SPATA1: variants seen among roughly 807,000 people sequenced by gnomAD.
The protein encoded by SPATA1 is spermatogenesis associated 1, also known as spermatogenesis-associated protein 1.
Under a neutral mutation model 59.6 loss-of-function variants are expected in SPATA1, and 57 were observed. The observed-to-expected ratio is 0.96, with a 90% CI of 0.77 to 1.19. The LOEUF is 1.19. Ranked by LOEUF, SPATA1 falls within the 50% of genes most tolerant of loss-of-function variation. The probability of loss-of-function intolerance (pLI) is 0.00; values close to 1 mark genes in which losing one functional copy is unlikely to be tolerated. For synonymous variants in SPATA1, 147 were observed against 163.9 expected (o/e 0.90, Z 0.79); for missense variants, 448 against 480.7 (o/e 0.93, Z 0.64).
At chr1:84,527,234 CT>C (rs1304886150) in intron 6 of SPATA1, among the ~76,000 whole-genome samples, 1 of 152,056 alleles carries the variant, frequency 6.6e-6, no homozygotes, top group African/African-American at 2.4e-5. Context: ...AGTATATCTG[CT>C]TTTCCTTCAC....
At chr1:84,553,656 C>T (rs1422874337) in exon 13 of SPATA1, 1 of 152,088 alleles carries the variant, frequency 6.6e-6, no homozygotes, top group African/African-American at 2.4e-5. Context: ...AATATGAAGA[C>T]AACAGTGATC....
Position 84,546,457 on chromosome 1 carries a change from CAAAAAAAAAAAA to C in SPATA1, c.946+710_946+721del, listed in dbSNP as rs10618711. 4.9e-5 allele frequency among the ~76,000 whole-genome samples: 4 copies of C among 82,064 alleles called. No homozygotes were observed. In the South Asian group the frequency reaches 1.6e-3, roughly 33 times the overall value. 53.8% of individuals were successfully genotyped at this position (82,064 alleles called of 152,430 possible). A position where few individuals can be genotyped will look rare whatever the true frequency, so the allele number is the denominator to read the frequency against. The stretch of plus-strand genomic sequence containing the variant: ...TGGGTGACAAAGCAAGACTCTGCCT[CAAAAAAAAAAAA>C]AAAAAAAAAAACTTGATGAAAACTA... On this transcript the variant is annotated intron_variant, in intron 10 of 12. Coordinates refer to ENST00000490879, the Ensembl canonical transcript of SPATA1.
At chr1:84,536,685 C>T (rs916170173) in intron 8 of SPATA1, among the ~76,000 whole-genome samples, 4 of 152,054 alleles carry the variant, frequency 2.6e-5, no homozygotes, top group Non-Finnish European at 5.9e-5. Flanking sequence ...ACCTCGTGAT[C>T]CGCCCGCCTC....
chr1:84,562,634 A>G (rs990472692), intron 4 of SPATA1, among the ~76,000 whole-genome samples: 2 of 152,018 alleles, frequency 1.3e-5, no homozygotes, highest in South Asian at 4.1e-4. Flanking sequence ...GTAAATTATG[A>G]AAACTGTAAC....
intron 8 of SPATA1, among the ~76,000 whole-genome samples, chr1:84,537,292 T>C (rs1426507465): frequency 6.6e-6 from 1 of 152,218 alleles, no homozygotes; most frequent in Non-Finnish European, 1.5e-5. Context: ...AAGAAATCCT[T>C]GACAATAGTT....
Position 84,548,750 on chromosome 1 carries a change from CTTTTTTTTTTTTTTTTTTTTT to C in SPATA1, c.947-25_947-5del. 1 of 908,896 alleles carries C rather than the reference CTTTTTTTTTTTTTTTTTTTTT, an allele frequency of 1.1e-6. No individual in the cohort carries two copies. The highest frequency in any genetic ancestry group is 2.2e-5 in the South Asian group (1 of 45,116). 56.3% of individuals were successfully genotyped at this position (908,896 alleles called of 1,614,324 possible). A position where few individuals can be genotyped will look rare whatever the true frequency, so the allele number is the denominator to read the frequency against. On this transcript the variant is annotated splice_polypyrimidine_tract_variant and intron_variant, in intron 10 of 12. Transcript: ENST00000490879. ...TTTAATACTCAAACGAAGGCCTTTC[CTTTTTTTTTTTTTTTTTTTTT>C]TTTTTTTTTTATAGCCTACAATGGT...
chr1:84,521,716 A>C (rs551072116), intron 3 of SPATA1, among the ~76,000 whole-genome samples: 2 of 151,434 alleles, frequency 1.3e-5, no homozygotes, highest in East Asian at 3.9e-4. Context: ...TTTCTATCCC[A>C]CCACTAGATT....
At chr1:84,527,857 A>G (rs767408464) in intron 6 of SPATA1, among the ~76,000 whole-genome samples, 38 of 152,016 alleles carry the variant, frequency 2.5e-4, no homozygotes, top group Non-Finnish European at 4.7e-4. Flanking sequence ...AGCCTCCCTA[A>G]GTACCTGGGA....
At chr1:84,518,934 GT>G in intron 2 of SPATA1, among the ~76,000 whole-genome samples, 1 of 151,722 alleles carries the variant, frequency 6.6e-6, no homozygotes. Flanking sequence ...ACCTATTAGT[GT>G]TTTATGTTTA....
chr1:84,564,763 T>C (rs1684660326), intron 4 of SPATA1, among the ~76,000 whole-genome samples: 1 of 152,194 alleles, frequency 6.6e-6, no homozygotes, highest in Admixed American at 6.5e-5. Flanking sequence ...AATAGGTATG[T>C]GGCTAGGCAC....
intron 1 of SPATA1, among the ~76,000 whole-genome samples, chr1:84,507,688 A>C (rs895267821): frequency 2.0e-5 from 3 of 152,228 alleles, no homozygotes; most frequent in Non-Finnish European, 4.4e-5. Context: ...ACAAGTATCT[A>C]TTCAAAGAAT....
chr1:84,525,670 AT>A (rs777736537), intron 4 of SPATA1, 25 bp from the exon 5 acceptor site: 25 of 1,551,358 alleles, frequency 1.6e-5, no homozygotes, highest in African/African-American at 4.2e-5. Context: ...AAAAGCTTTA[AT>A]TTTTTTCTCA....
chr1:84,511,863 C>A (rs1682579569), intron 1 of SPATA1, among the ~76,000 whole-genome samples: 1 of 151,660 alleles, frequency 6.6e-6, no homozygotes, highest in African/African-American at 2.4e-5. Flanking sequence ...GTATTTTTAT[C>A]AGAGGTGGGG....
intron 6 of SPATA1, among the ~76,000 whole-genome samples, chr1:84,528,555 T>C (rs1221698527): frequency 6.6e-6 from 1 of 152,252 alleles, no homozygotes; most frequent in Non-Finnish European, 1.5e-5. Flanking sequence ...ATTTTCATTG[T>C]TGTGCTATTC....
downstream of SPATA1, among the ~76,000 whole-genome samples, chr1:84,558,809 G>A (rs758282619): frequency 6.6e-6 from 1 of 152,128 alleles, no homozygotes; most frequent in Middle Eastern, 3.4e-3. Flanking sequence ...GCTGAGGCAG[G>A]AGGATTGCTT....
intron 4 of SPATA1, among the ~76,000 whole-genome samples, chr1:84,564,223 G>A (rs1558628432): frequency 6.6e-6 from 1 of 152,078 alleles, no homozygotes; most frequent in Admixed American, 6.5e-5. Flanking sequence ...AGCAGTGATG[G>A]TCTCAGAGTT....
chr1:84,550,466 A>G, exon 12 of SPATA1: 1 of 1,567,248 alleles, frequency 6.4e-7, no homozygotes, highest in Non-Finnish European at 8.7e-7. Flanking sequence ...GAGGTACAGC[A>G]TGCAATTGAC....
chr1:84,537,209 C>T (rs866472176), intron 8 of SPATA1, among the ~76,000 whole-genome samples: 2 of 151,984 alleles, frequency 1.3e-5, no homozygotes, highest in East Asian at 1.9e-4. Flanking sequence ...ACAGTATCCC[C>T]GAAGAAGCCA....
exon 13 of SPATA1, chr1:84,553,063 G>A (rs540121965): frequency 5.2e-6 from 8 of 1,525,230 alleles, no homozygotes; most frequent in Middle Eastern, 1.7e-4. Context: ...TCAGATTTAC[G>A]AACATTGAAA....
Sources: gnomAD v4.1 joint callset for allele counts (sites outside exome capture counted in the v4.1 genomes callset) on GRCh38, gnomAD v4.1.1 for gene constraint, MANE v1.5 for transcripts, NCBI Gene and HGNC (gene_info 2026-07-23, HGNC 2026-07-21) for gene names.